The following NELL1 variants were observed in gnomAD, a reference collection of about 807,000 sequenced individuals.
NELL1 encodes neural EGFL like 1.
A neutral mutation model predicts 107.4 loss-of-function variants in NELL1; 76 were observed. That is an observed-to-expected ratio of 0.71 (90% CI 0.59 to 0.86). NELL1 has a LOEUF of 0.86. Ranked by LOEUF, NELL1 falls within the 40% of genes least tolerant of loss-of-function variation. NELL1 has a pLI of 0.00. For synonymous variants in NELL1, 353 were observed against 341.2 expected, an observed-to-expected ratio of 1.03 and a Z score of -0.38; for missense variants, 1,024 against 1,005.5, an observed-to-expected ratio of 1.02 and a Z score of -0.25.
chr11:21,497,545 CGTTA>C (rs767266386), intron 15 of NELL1, among the ~76,000 whole-genome samples: 12 of 151,712 alleles, frequency 7.9e-5, no homozygotes, highest in East Asian at 3.9e-4. Flanking sequence ...CATTTAATTG[CGTTA>C]GTTAATGTAA....
chr11:20,998,197 G>T (rs1023975162), intron 12 of NELL1, among the ~76,000 whole-genome samples: 5 of 151,958 alleles, frequency 3.3e-5, no homozygotes, highest in Non-Finnish European at 5.9e-5. Context: ...ATGTATATAT[G>T]TGTATTTTCA....
At chr11:21,029,013 G>A (rs1417598960) in intron 12 of NELL1, among the ~76,000 whole-genome samples, 1 of 152,090 alleles carries the variant, frequency 6.6e-6, no homozygotes, top group African/African-American at 2.4e-5. Context: ...GCCAGTTACT[G>A]CTCCTTTCCA....
intron 2 of NELL1, among the ~76,000 whole-genome samples, chr11:20,692,263 G>GTT (rs750911012): frequency 0.19 from 28,533 of 149,500 alleles, 2,965 homozygotes; most frequent in African/African-American, 0.27. Flanking sequence ...TTTTTGAAGG[G>GTT]TTTTTTTTTG....
At chr11:21,538,112 C>A (rs1024725611) in intron 16 of NELL1, among the ~76,000 whole-genome samples, 1 of 151,728 alleles carries the variant, frequency 6.6e-6, no homozygotes, top group Non-Finnish European at 1.5e-5. Flanking sequence ...CTAAAATAAC[C>A]CTTACAATTT....
intron 13 of NELL1, among the ~76,000 whole-genome samples, chr11:21,124,448 G>A (rs1855443391): frequency 6.6e-6 from 1 of 152,110 alleles, no homozygotes; most frequent in South Asian, 2.1e-4. Context: ...TGCAATTATG[G>A]TGCTGTCTTA....
chr11:21,457,051 A>C (rs1853764113), intron 15 of NELL1, among the ~76,000 whole-genome samples: 1 of 152,174 alleles, frequency 6.6e-6, no homozygotes, highest in Non-Finnish European at 1.5e-5. Context: ...ATAGCTGAGG[A>C]AAATGTGTAA....
At chr11:20,973,732 G>T (rs544233667) in intron 12 of NELL1, among the ~76,000 whole-genome samples, 6 of 152,168 alleles carry the variant, frequency 3.9e-5, no homozygotes, top group Non-Finnish European at 8.8e-5. Context: ...CTCCTTTTAG[G>T]ATTGAAAGGA....
chr11:21,370,832 T>C (rs1156833386), intron 14 of NELL1, 21 bp from the exon 15 acceptor site: 1 of 1,595,506 alleles, frequency 6.3e-7, no homozygotes, highest in South Asian at 1.1e-5. Flanking sequence ...CTAAGATAAA[T>C]ACTTTGTTCT....
chr11:21,040,367 T>C (rs1853200297), intron 12 of NELL1, among the ~76,000 whole-genome samples: 1 of 152,220 alleles, frequency 6.6e-6, no homozygotes, highest in Admixed American at 6.5e-5. Context: ...AACATCTTTT[T>C]ACTCATCTTT....
At chr11:21,317,028 T>C (rs1849894003) in intron 14 of NELL1, among the ~76,000 whole-genome samples, 1 of 152,154 alleles carries the variant, frequency 6.6e-6, no homozygotes, top group Admixed American at 6.6e-5. Context: ...GTTAATATAT[T>C]TCATCTAATG....
intron 12 of NELL1, among the ~76,000 whole-genome samples, chr11:21,107,101 C>A (rs945760256): frequency 3.3e-5 from 5 of 152,166 alleles, no homozygotes; most frequent in Admixed American, 6.5e-5. Context: ...TATCCCTCAC[C>A]TGAGTGGAAC....
intron 12 of NELL1, among the ~76,000 whole-genome samples, chr11:21,040,668 T>C (rs1853208255): frequency 6.6e-6 from 1 of 152,188 alleles, no homozygotes; most frequent in Non-Finnish European, 1.5e-5. Flanking sequence ...TTGGTCCTCA[T>C]AGCCAATCTT....
At chr11:21,023,589 A>G (rs1194373634) in intron 12 of NELL1, among the ~76,000 whole-genome samples, 2 of 151,908 alleles carry the variant, frequency 1.3e-5, no homozygotes, top group African/African-American at 4.8e-5. Context: ...TTTTTAGTGT[A>G]TGAAACTGCA....
chr11:21,108,102 TC>T (rs1855013524), intron 12 of NELL1, among the ~76,000 whole-genome samples: 1 of 152,174 alleles, frequency 6.6e-6, no homozygotes, highest in South Asian at 2.1e-4. Context: ...TGATCTTCTT[TC>T]CTTTTTAAAT....
intron 12 of NELL1, among the ~76,000 whole-genome samples, chr11:20,967,851 G>C (rs554980719): frequency 6.6e-6 from 1 of 152,066 alleles, no homozygotes; most frequent in South Asian, 2.1e-4. Flanking sequence ...ACCCAAATTT[G>C]GTCCTGTGTC....
At chr11:21,536,099 T>G (rs1160795230) in intron 16 of NELL1, among the ~76,000 whole-genome samples, 1 of 152,140 alleles carries the variant, frequency 6.6e-6, no homozygotes, top group Non-Finnish European at 1.5e-5. Context: ...TAAGCCAATT[T>G]TATTTATTAT....
At chr11:21,269,124 A>T (rs965280871) in intron 14 of NELL1, among the ~76,000 whole-genome samples, 1 of 152,072 alleles carries the variant, frequency 6.6e-6, no homozygotes, top group African/African-American at 2.4e-5. Flanking sequence ...GAAAAAGAAA[A>T]CTGAGAAAAA....
intron 15 of NELL1, among the ~76,000 whole-genome samples, chr11:21,482,938 A>G (rs1458964472): frequency 6.6e-6 from 1 of 151,984 alleles, no homozygotes; most frequent in Non-Finnish European, 1.5e-5. Context: ...TATGGGGCCC[A>G]TTTGATTAAT....
At chr11:21,055,553 C>G (rs1288479967) in intron 12 of NELL1, among the ~76,000 whole-genome samples, 2 of 152,158 alleles carry the variant, frequency 1.3e-5, no homozygotes, top group African/African-American at 2.4e-5. Flanking sequence ...CTTTGAGCAT[C>G]TGGTTCACTA....
Sources: allele counts gnomAD v4.1 joint callset (sites outside exome capture counted in the v4.1 genomes callset), GRCh38; gene constraint gnomAD v4.1.1; transcripts MANE v1.5; gene names NCBI Gene and HGNC (gene_info 2026-07-23, HGNC 2026-07-21).